The following CDKN2C variants were observed in gnomAD, a reference collection of about 807,000 sequenced individuals.
The protein encoded by CDKN2C is cyclin-dependent kinase 4 inhibitor C.
CDKN2C carries 5 observed loss-of-function variants against 11.0 expected under a neutral mutation model. That is an observed-to-expected ratio of 0.45 (90% CI 0.24 to 0.95). The LOEUF (loss-of-function observed/expected upper bound fraction) is 0.95. CDKN2C is among the 40% of genes least tolerant of loss of function. The pLI is 0.21. For missense variants in CDKN2C, 161 were observed against 211.9 expected (o/e 0.76, Z 1.49); for synonymous variants, 79 against 88.3 (o/e 0.89, Z 0.59).
chr1:50,965,057 T>TATGG (rs1645341301), intron 1 of CDKN2C, among the ~76,000 whole-genome samples: 1 of 147,324 alleles, frequency 6.8e-6, no homozygotes, highest in East Asian at 2.0e-4. Context: ...GTCTCAAAAA[T>TATGG]ATAGATAGAT....
upstream of CDKN2C, chr1:50,968,503 G>C (rs891226354): frequency 6.6e-6 from 1 of 152,320 alleles, no homozygotes; most frequent in Non-Finnish European, 1.5e-5. Flanking sequence ...CGCTCCAGCT[G>C]GGGACAGGCC....
chr1:50,973,632 C>T (rs984373386), intron 1 of CDKN2C, among the ~76,000 whole-genome samples: 2 of 152,166 alleles, frequency 1.3e-5, no homozygotes, highest in African/African-American at 4.8e-5. Context: ...TGCACAAATT[C>T]TATCTTATTG....
upstream of CDKN2C, among the ~76,000 whole-genome samples, chr1:50,965,552 T>TCTG (rs1645344041): frequency 6.6e-6 from 1 of 150,984 alleles, no homozygotes; most frequent in Admixed American, 6.6e-5. Flanking sequence ...TCCACAAAAT[T>TCTG]AGAAAAATTA....
chr1:50,963,877 G>T (rs1645335846), intron 1 of CDKN2C, among the ~76,000 whole-genome samples: 1 of 151,970 alleles, frequency 6.6e-6, no homozygotes, highest in East Asian at 1.9e-4. Context: ...CTCATAGTTG[G>T]CCCACAGTAG....
At chr1:50,962,187 C>T (rs886741992) in intron 1 of CDKN2C, among the ~76,000 whole-genome samples, 7 of 152,300 alleles carry the variant, frequency 4.6e-5, no homozygotes, top group African/African-American at 1.4e-4. Flanking sequence ...TCAAGACCAG[C>T]CTGGCCAACA....
At chr1:50,961,189 C>T (rs1645319920) in intron 1 of CDKN2C, among the ~76,000 whole-genome samples, 1 of 152,276 alleles carries the variant, frequency 6.6e-6, no homozygotes, top group Admixed American at 6.5e-5. Flanking sequence ...GCTCCCGCCA[C>T]CAAGCCCGGC....
At chr1:50,970,178 C>A, upstream of CDKN2C, 1 of 661,770 alleles carries the variant, frequency 1.5e-6, no homozygotes, top group African/African-American at 1.8e-5. Flanking sequence ...TGAATAATCA[C>A]GTGTGAATCG....
chr1:50,960,903 G>A (rs1645315297), intron 1 of CDKN2C: 1 of 151,740 alleles, frequency 6.6e-6, no homozygotes, highest in South Asian at 2.1e-4. Context: ...GCTCCAAAGG[G>A]GGAAAAAAGG....
At position 50,974,387 on chromosome 1, in the gene CDKN2C, T is replaced by C. The variant is rs1437929009; in HGVS notation, c.*117T>C. The stretch of plus-strand genomic sequence containing the variant: ...TGTCATATGTTAAGCAGCTAAATTT[T>C]CTGAAACTGCATAAGTGAAAATCTT... On this transcript the variant is annotated 3_prime_UTR_variant, in exon 2 of 2. Transcript: ENST00000371761. 7.7e-6 allele frequency: 8 copies of C among 1,036,096 alleles called. No individual in the cohort carries two copies. Among genetic ancestry groups the C allele is most frequent in the Non-Finnish European group, 1.1e-5 (8 of 748,712 alleles). 64.2% of individuals were successfully genotyped at this position (1,036,096 alleles called of 1,614,324 possible).
intron 1 of CDKN2C, among the ~76,000 whole-genome samples, chr1:50,963,782 G>T: frequency 6.6e-6 from 1 of 152,144 alleles, no homozygotes; most frequent in African/African-American, 2.4e-5. Flanking sequence ...AACAATTTCA[G>T]TTAAGTGTCA....
At chr1:50,965,732 A>C (rs1166209077), upstream of CDKN2C, among the ~76,000 whole-genome samples, 3 of 152,004 alleles carry the variant, frequency 2.0e-5, no homozygotes, top group Non-Finnish European at 4.4e-5. Flanking sequence ...AAATAAAATA[A>C]AAATAATAAA....
chr1:50,970,432 A>G lies in CDKN2C; in HGVS notation c.64A>G (p.Thr22Ala). 5.0e-6 allele frequency: 8 copies of G among 1,614,154 alleles called. No homozygotes were observed. Among genetic ancestry groups the G allele is most frequent in the Non-Finnish European group, 6.8e-6 (8 of 1,180,010 alleles). ...AAARGDLEQL[T>A]SLLQNNVNVN... is the part of the protein sequence containing the mutation. ...TGCCAGGGGGGACCTAGAGCAACTT[A>G]CTAGTTTGTTGCAAAATAATGTAAA... The change falls in exon 1 of 2, where the codon ACT becomes GCT. Residue 22 changes from threonine to alanine, a missense_variant. Transcript: ENST00000371761.
rs1457406133 is a variant in CDKN2C at position 50,973,956 on chromosome 1, T to C, written c.193T>C (p.Leu65=). 6 of 1,614,124 alleles carry C rather than the reference T, an allele frequency of 3.7e-6. No individual in the cohort carries two copies. The Admixed American group carries it at 6.7e-5, about 18-fold the overall frequency. ...RLLLRGANPD[L]KDRTGFAVIH... Reference sequence around the variant, plus strand: ...GCTACTTAGAGGTGCTAATCCCGATTTGAAAGACCGAACTGGTTTCGCTGT... The same window carrying C: ...GCTACTTAGAGGTGCTAATCCCGATCTGAAAGACCGAACTGGTTTCGCTGT... Residue 65 remains leucine (L), a synonymous_variant, in exon 2 of 2, where the codon TTG becomes CTG. Coordinates refer to ENST00000371761, the MANE Select transcript of CDKN2C (RefSeq NM_078626.3).
intron 1 of CDKN2C, 135 bp from the exon 2 acceptor site, chr1:50,973,757 GC>G: frequency 9.4e-7 from 1 of 1,058,308 alleles, no homozygotes; most frequent in Non-Finnish European, 1.4e-6. Context: ...ACCCCTTCAA[GC>G]CCCATCCTAT....
At chr1:50,970,230 A>T, upstream of CDKN2C, 1 of 1,027,212 alleles carries the variant, frequency 9.7e-7, no homozygotes, top group Non-Finnish European at 1.4e-6. Context: ...AGTATTTACT[A>T]CCAAGCTCTA....
At chr1:50,960,763 C>T (rs983607165) in exon 1 of CDKN2C, 4 of 152,208 alleles carry the variant, frequency 2.6e-5, no homozygotes, top group African/African-American at 7.2e-5. Context: ...AGTAACCAGA[C>T]TGCCATGGTA....
chr1:50,961,408 T>C (rs780494755), intron 1 of CDKN2C, among the ~76,000 whole-genome samples: 16 of 152,224 alleles, frequency 1.1e-4, no homozygotes, highest in Non-Finnish European at 1.8e-4. Context: ...TGGTCAGAAA[T>C]TGACAACCTC....
intron 1 of CDKN2C, 116 bp from the exon 2 acceptor site, chr1:50,973,777 C>T (rs564982951): frequency 4.3e-5 from 56 of 1,304,852 alleles, no homozygotes; most frequent in Non-Finnish European, 5.8e-5. Context: ...ATGGGTCTTC[C>T]GCAAGAACTC....
At chr1:50,970,028 T>G (rs1407638672), upstream of CDKN2C, 1 of 436,746 alleles carries the variant, frequency 2.3e-6, no homozygotes, top group Non-Finnish European at 4.2e-6. Context: ...GTGACAGCTC[T>G]GCCTACATCT....
Sources: gnomAD v4.1 joint callset for allele counts (sites outside exome capture counted in the v4.1 genomes callset) on GRCh38, gnomAD v4.1.1 for gene constraint, MANE v1.5 for transcripts, NCBI Gene and HGNC (gene_info 2026-07-23, HGNC 2026-07-21) for gene names.